Variants in LCP1 observed in about 807,000 individuals in gnomAD.
LCP1 encodes the protein plastin-2.
A neutral mutation model predicts 72.0 loss-of-function variants in LCP1; 23 were observed. That is an observed-to-expected ratio of 0.32 (90% CI 0.23 to 0.45). The LOEUF (loss-of-function observed/expected upper bound fraction) is 0.45, where lower values mean the gene tolerates loss of function less well. Among genes scored for constraint, LCP1 ranks in the 20% least tolerant of loss-of-function variants. The pLI is 1.00. For synonymous variants in LCP1, 245 were observed against 275.4 expected (o/e 0.89, Z 1.09); for missense variants, 571 against 748.3 (o/e 0.76, Z 2.76).
chr13:46,130,126 G>A (rs1041951497), intron 15 of LCP1, among the ~76,000 whole-genome samples: 4 of 152,192 alleles, frequency 2.6e-5, no homozygotes, highest in African/African-American at 7.2e-5. Flanking sequence ...GCAGTACTTC[G>A]TTGTGGCAGC....
intron 7 of LCP1, among the ~76,000 whole-genome samples, chr13:46,151,361 T>C (rs376492878): frequency 9.9e-5 from 15 of 152,230 alleles, no homozygotes; most frequent in African/African-American, 3.6e-4. Context: ...GGCAGAGCCA[T>C]AAAAATAACC....
intron 13 of LCP1, among the ~76,000 whole-genome samples, chr13:46,135,410 CT>C (rs777096070): frequency 2.0e-5 from 3 of 152,202 alleles, no homozygotes. Context: ...CTTGTGTGCT[CT>C]AGGATTTTGC....
intron 6 of LCP1, 49 bp from the exon 7 acceptor site, chr13:46,152,994 C>T (rs1489664373): frequency 2.6e-6 from 4 of 1,525,050 alleles, no homozygotes; most frequent in South Asian, 1.2e-5. Flanking sequence ...TTTGTAGATG[C>T]CAAATAATAC....
intron 8 of LCP1, chr13:46,148,680 C>T (rs974966596): frequency 2.0e-6 from 1 of 499,214 alleles, no homozygotes; most frequent in Non-Finnish European, 3.2e-6. Context: ...AAGATATACA[C>T]AAAAGGCACC....
chr13:46,164,497 G>A (rs918279107), intron 1 of LCP1, among the ~76,000 whole-genome samples: 2 of 152,184 alleles, frequency 1.3e-5, no homozygotes, highest in Non-Finnish European at 1.5e-5. Context: ...TTTATGAGTG[G>A]AGAGGATAAA....
intron 1 of LCP1, among the ~76,000 whole-genome samples, chr13:46,171,953 C>T (rs1292414565): frequency 6.6e-6 from 1 of 152,254 alleles, no homozygotes; most frequent in Non-Finnish European, 1.5e-5. Context: ...GCCAACTTTT[C>T]GTACATGTGG....
At chr13:46,129,345 C>T (rs2045620194) in intron 15 of LCP1, among the ~76,000 whole-genome samples, 1 of 151,928 alleles carries the variant, frequency 6.6e-6, no homozygotes. Context: ...ATCACACTCC[C>T]CTTGAACATC....
intron 1 of LCP1, among the ~76,000 whole-genome samples, chr13:46,172,974 G>C (rs540421592): frequency 3.3e-5 from 5 of 152,146 alleles, no homozygotes; most frequent in Non-Finnish European, 7.3e-5. Context: ...GAAGCAATGC[G>C]TGGGAAAAAC....
Position 46,148,447 on chromosome 13 carries a change from C to A in LCP1, c.883G>T (p.Asp295Tyr). ...KIGNFSTDIK[D>Y]SKAYYHLLEQ... ...AGCAGGTGGTAATAAGCTTTTGAGT[C>A]CTGTGAGAAATTAAGAAATTCCAAT... The change falls in exon 9 of 16, where the codon GAC (aspartate) becomes TAC (tyrosine). Residue 295 changes from aspartate to tyrosine, a missense_variant and splice_region_variant. By Grantham distance (160) the Asp-to-Tyr change is radical. Coordinates refer to ENST00000323076, the MANE Select transcript of LCP1 (RefSeq NM_002298.5). 1 of 1,595,978 alleles carries A rather than the reference C, an allele frequency of 6.3e-7. No homozygotes were observed. Among genetic ancestry groups the A allele is most frequent in the South Asian group, 1.1e-5 (1 of 90,230 alleles).
chr13:46,141,520 A>C (rs1425973561), intron 13 of LCP1, among the ~76,000 whole-genome samples: 2 of 152,090 alleles, frequency 1.3e-5, no homozygotes, highest in Non-Finnish European at 2.9e-5. Flanking sequence ...CATATGAGGG[A>C]ACAACAATAA....
At chr13:46,142,731 A>G (rs1204013696) in intron 12 of LCP1, 4 of 498,432 alleles carry the variant, frequency 8.0e-6, no homozygotes, top group African/African-American at 1.9e-5. Flanking sequence ...CCTACATGTA[A>G]TATTTCTAAA....
chr13:46,133,018 G>A (rs970477665), intron 14 of LCP1, among the ~76,000 whole-genome samples: 12 of 152,144 alleles, frequency 7.9e-5, no homozygotes, highest in African/African-American at 2.9e-4. Flanking sequence ...TGTGGATCAA[G>A]TGCACACGTC....
intron 1 of LCP1, among the ~76,000 whole-genome samples, chr13:46,171,260 A>G (rs948141809): frequency 6.6e-6 from 1 of 152,190 alleles, no homozygotes; most frequent in Admixed American, 6.5e-5. Flanking sequence ...TATAAACTGG[A>G]GTGGCCTCCT....
intron 1 of LCP1, among the ~76,000 whole-genome samples, chr13:46,165,715 T>C (rs914407815): frequency 1.3e-5 from 2 of 152,158 alleles, no homozygotes; most frequent in Non-Finnish European, 2.9e-5. Context: ...ACAAACCATT[T>C]TCAGGTCTTC....
rs189255001 is a variant in LCP1, at chr13:46,166,734, A to T, written c.-24-7048T>A. Among the ~76,000 whole-genome samples, 37 of 152,326 alleles carry T rather than the reference A, an allele frequency of 2.4e-4. No individual in the cohort carries two copies. The East Asian group carries it at 4.6e-3, about 19-fold the overall frequency. ...CAAAATAAAATACCCATACATTTTT[A>T]AAAAGCCATCAAGATTAATCTATTT... On this transcript the variant is annotated intron_variant, in intron 1 of 15. Coordinates refer to ENST00000323076, the MANE Select transcript of LCP1 (RefSeq NM_002298.5).
chr13:46,156,523 T>C lies in LCP1; in HGVS notation c.406A>G (p.Asn136Asp). ...ATGACATGCCGACAATCAGGATCAT[T>C]TTCCAGGGCTTTGTTTATCCAGTTG... ...FVNWINKALE[N>D]DPDCRHVIPM... The change falls in exon 5 of 16, where the codon AAT becomes GAT. Residue 136 changes from asparagine (N) to aspartate (D), a missense_variant. Physicochemically the swap from Asn to Asp is conservative, Grantham distance 23 (BLOSUM62 1). Transcript: ENST00000323076. The C allele has an allele frequency of 6.2e-7, 1 of 1,614,178 alleles. No individual in the cohort carries two copies. The highest frequency in any genetic ancestry group is 1.1e-5 in the South Asian group (1 of 91,086).
intron 4 of LCP1, among the ~76,000 whole-genome samples, chr13:46,157,257 C>CAT (rs138830625): frequency 0.14 from 21,780 of 150,992 alleles, 2,005 homozygotes; most frequent in East Asian, 0.29. Context: ...TGCATGTATA[C>CAT]ATATATATAT....
rs566218402 is a variant in LCP1, at chr13:46,165,370, T to C, written c.-24-5684A>G. Among the ~76,000 whole-genome samples, 26 of 151,954 alleles carry C rather than the reference T, an allele frequency of 1.7e-4. No homozygotes were observed. In the East Asian group the frequency reaches 5.0e-3, roughly 29 times the overall value. ...ACCTGGGTGACAGAGCGAGACCCCA[T>C]TTCAAAAACAAAAAAAAAACAAAAA... On this transcript the variant is annotated intron_variant, in intron 1 of 15. Coordinates refer to ENST00000323076, the MANE Select transcript of LCP1 (RefSeq NM_002298.5).
chr13:46,131,595 GA>G (rs1261327548), intron 14 of LCP1, among the ~76,000 whole-genome samples: 1 of 152,108 alleles, frequency 6.6e-6, no homozygotes, highest in Non-Finnish European at 1.5e-5. Flanking sequence ...CAAAGATATG[GA>G]ATCAACCTAG....
Sources: allele counts gnomAD v4.1 joint callset (sites outside exome capture counted in the v4.1 genomes callset), GRCh38; gene constraint gnomAD v4.1.1; transcripts MANE v1.5; gene names NCBI Gene and HGNC (gene_info 2026-07-23, HGNC 2026-07-21).